Variants in PSKH2 observed in about 807,000 individuals in gnomAD.
PSKH2 encodes the protein serine/threonine-protein kinase H2.
A neutral mutation model predicts 22.5 loss-of-function variants in PSKH2; 16 were observed. That is an observed-to-expected ratio of 0.71 (90% CI 0.48 to 1.08). The LOEUF is 1.08. Ranked by LOEUF, PSKH2 falls within the 50% of genes least tolerant of loss-of-function variation. PSKH2 has a pLI of 0.00. For synonymous variants in PSKH2, 188 were observed against 184.8 expected (o/e 1.02, Z -0.14); for missense variants, 516 against 492.8 (o/e 1.05, Z -0.44).
intron 2 of PSKH2, among the ~76,000 whole-genome samples, chr8:86,049,789 GAAGA>G (rs1236456097): frequency 1.3e-5 from 1 of 75,130 alleles, no homozygotes; most frequent in Non-Finnish European, 3.7e-5. Flanking sequence ...AAAAAGAAAG[GAAGA>G]AAGGAAGAGA....
rs1047014187 is a variant in PSKH2 at position 86,052,457 on chromosome 8, G to A, written c.853-3690C>T. Among the ~76,000 whole-genome samples the A allele has an allele frequency of 7.2e-5, 11 of 152,316 alleles. No individual in the cohort carries two copies. In the South Asian group the frequency reaches 2.3e-3, roughly 32 times the overall value. ...ACAGCTCTGCAACCTCAGGGTCTCA[G>A]TTTCCTTGTCAGAAAAATGGGGATC... On this transcript the variant is annotated intron_variant, in intron 2 of 2. Coordinates refer to ENST00000276616, the MANE Select transcript of PSKH2 (RefSeq NM_033126.3).
At chr8:86,059,643 C>T (rs1237892391) in intron 2 of PSKH2, among the ~76,000 whole-genome samples, 1 of 152,180 alleles carries the variant, frequency 6.6e-6, no homozygotes, top group Non-Finnish European at 1.5e-5. Context: ...CCAAGATTAT[C>T]CAGAATAATC....
chr8:86,069,768 C>T, upstream of PSKH2: 2 of 866,674 alleles, frequency 2.3e-6, no homozygotes, highest in East Asian at 6.3e-5. Context: ...GGAGACAGCC[C>T]CCAGGATACC....
At position 86,048,776 on chromosome 8, in the gene PSKH2, A is replaced by C. The variant is rs758474587; in HGVS notation, c.853-9T>G. The C allele has an allele frequency of 6.3e-7, 1 of 1,580,640 alleles. No homozygotes were observed. The highest frequency in any genetic ancestry group is 2.3e-5 in the East Asian group (1 of 44,328). ...GAAATGCTTGGCCAAGGCTGAGAATAAAAATAAATAAGTTAGAATAAAATA... is the reference window on the plus strand; with the variant it reads ...GAAATGCTTGGCCAAGGCTGAGAATCAAAATAAATAAGTTAGAATAAAATA... On this transcript the variant is annotated splice_polypyrimidine_tract_variant and intron_variant, in intron 2 of 2. Transcript: ENST00000276616.
At chr8:86,060,691 T>C (rs993854806) in intron 2 of PSKH2, among the ~76,000 whole-genome samples, 7 of 152,128 alleles carry the variant, frequency 4.6e-5, no homozygotes, top group African/African-American at 1.7e-4. Context: ...CTTGATGATA[T>C]CAAAAGAAAT....
intron 2 of PSKH2, among the ~76,000 whole-genome samples, chr8:86,061,940 A>G (rs1275024832): frequency 6.6e-6 from 1 of 152,248 alleles, no homozygotes; most frequent in African/African-American, 2.4e-5. Flanking sequence ...ATGCAGTGGT[A>G]GATAACGAAA....
rs1817829461 is a variant in PSKH2 at position 86,064,488 on chromosome 8, C to A, written c.329G>T (p.Ser110Ile). ...ACGATGGCTAACCCGCCGCAGGACG[C>A]TCAGCTCAGACACGCACGCTTCTCT... ...EGREACVSELSVLRRVSHRYI... is the reference protein window; with the variant it reads ...EGREACVSELIVLRRVSHRYI... The change falls in exon 2 of 3, where the codon AGC (serine) becomes ATC (isoleucine). Residue 110 changes from serine (S) to isoleucine (I), a missense_variant. By Grantham distance (142) the Ser-to-Ile change is moderately radical (BLOSUM62 -2). Coordinates refer to ENST00000276616, the MANE Select transcript of PSKH2 (RefSeq NM_033126.3). 6.2e-7 allele frequency: 1 copy of A among 1,614,060 alleles called. No individual in the cohort carries two copies. The highest frequency in any genetic ancestry group is 1.1e-5 in the South Asian group (1 of 91,068).
chr8:86,058,906 A>G (rs561714385), intron 2 of PSKH2, among the ~76,000 whole-genome samples: 76 of 151,588 alleles, frequency 5.0e-4, no homozygotes, highest in South Asian at 2.1e-3. Flanking sequence ...TACCACATAA[A>G]TCTCTGGAAG....
chr8:86,060,998 C>T (rs1817769846), intron 2 of PSKH2, among the ~76,000 whole-genome samples: 1 of 152,162 alleles, frequency 6.6e-6, no homozygotes, highest in Non-Finnish European at 1.5e-5. Context: ...AGCAGACTGC[C>T]CTGGGGCTCA....
intron 2 of PSKH2, among the ~76,000 whole-genome samples, chr8:86,058,765 A>C (rs190330233): frequency 6.6e-6 from 1 of 152,346 alleles, no homozygotes; most frequent in East Asian, 1.9e-4. Context: ...CAAAATCCAA[A>C]AAAGTTAAAC....
Position 86,048,708 on chromosome 8 carries a change from C to T in PSKH2, c.912G>A (p.Glu304=). ...GGCCAGCTGACATGCGATGACCAGC[C>T]TCCAAAATCAGTAGTTTGTCTATAA... ...KDFIDKLLIL[E]AGHRMSAGQA... Residue 304 remains glutamate (E), a synonymous_variant, in exon 3 of 3, where the codon GAG becomes GAA. Transcript: ENST00000276616. The T allele has an allele frequency of 6.2e-7, 1 of 1,614,012 alleles. No individual in the cohort carries two copies. The highest frequency in any genetic ancestry group is 1.1e-5 in the South Asian group (1 of 91,068).
Position 86,064,120 on chromosome 8 carries a change from C to A in PSKH2, c.697G>T (p.Val233Phe). The A allele has an allele frequency of 3.7e-6, 6 of 1,614,114 alleles. No homozygotes were observed. Among genetic ancestry groups the A allele is most frequent in the East Asian group, 2.2e-5 (1 of 44,876 alleles). Residue 233 changes from valine to phenylalanine, a missense_variant, in exon 2 of 3, where the codon GTT (valine) becomes TTT (phenylalanine). Coordinates refer to ENST00000276616, the MANE Select transcript of PSKH2 (RefSeq NM_033126.3). ...CTGGTATAAGGCTTCCTTAGCAAAA[C>A]CTCAGGAGCTATGTACTCTGGGGTC... ...CGTPEYIAPE[V>F]LLRKPYTSAV... is the part of the protein sequence containing the mutation.
chr8:86,054,001 T>TA (rs1440128273), intron 2 of PSKH2, among the ~76,000 whole-genome samples: 19 of 152,018 alleles, frequency 1.2e-4, no homozygotes, highest in Non-Finnish European at 5.9e-5. Flanking sequence ...CATACCACAG[T>TA]AACCAGCCTG....
At chr8:86,067,983 G>A (rs528070520) in intron 1 of PSKH2, among the ~76,000 whole-genome samples, 10 of 152,274 alleles carry the variant, frequency 6.6e-5, no homozygotes, top group African/African-American at 2.4e-4. Flanking sequence ...ATGGGGCTGG[G>A]TCTACCCCTG....
At chr8:86,050,776 C>G (rs1233303124) in intron 2 of PSKH2, among the ~76,000 whole-genome samples, 1 of 152,150 alleles carries the variant, frequency 6.6e-6, no homozygotes, top group Non-Finnish European at 1.5e-5. Context: ...GATGGTATTT[C>G]CAAGGAAAGA....
At chr8:86,063,256 T>G (rs964229882) in intron 2 of PSKH2, among the ~76,000 whole-genome samples, 52 of 152,218 alleles carry the variant, frequency 3.4e-4, no homozygotes, top group Non-Finnish European at 5.4e-4. Context: ...TAAGCAAATA[T>G]CAATGTTTTT....
At chr8:86,057,344 T>G (rs1047952454) in intron 2 of PSKH2, among the ~76,000 whole-genome samples, 27 of 151,260 alleles carry the variant, frequency 1.8e-4, no homozygotes, top group Admixed American at 4.6e-4. Flanking sequence ...TAAAGTTTTT[T>G]TTTGTTTGTT....
chr8:86,056,146 T>A (rs1035686278), intron 2 of PSKH2, among the ~76,000 whole-genome samples: 1 of 151,760 alleles, frequency 6.6e-6, no homozygotes, highest in Admixed American at 6.6e-5. Flanking sequence ...TTTTTTTAAA[T>A]GAGCTGTGCG....
At chr8:86,068,700 G>T (rs1289914316) in intron 1 of PSKH2, among the ~76,000 whole-genome samples, 1 of 152,020 alleles carries the variant, frequency 6.6e-6, no homozygotes, top group Non-Finnish European at 1.5e-5. Flanking sequence ...TAGTTCACTC[G>T]CTGTAATCCC....
Sources: gnomAD v4.1 joint callset for allele counts (sites outside exome capture counted in the v4.1 genomes callset) on GRCh38, gnomAD v4.1.1 for gene constraint, MANE v1.5 for transcripts, NCBI Gene and HGNC (gene_info 2026-07-23, HGNC 2026-07-21) for gene names.